Variants in CNNM2 observed in about 807,000 individuals in gnomAD.
CNNM2 encodes metal transporter CNNM2.
Under a neutral mutation model 66.9 loss-of-function variants are expected in CNNM2, and 12 were observed. The observed-to-expected ratio is 0.18, with a 90% CI of 0.11 to 0.29. The LOEUF (loss-of-function observed/expected upper bound fraction) is 0.29, where lower values mean the gene tolerates loss of function less well. CNNM2 is among the 10% of genes least tolerant of loss of function. The pLI, the probability that CNNM2 is intolerant of heterozygous loss-of-function variation, is 1.00. For synonymous variants in CNNM2, 557 were observed against 501.8 expected (o/e 1.11, Z -1.47); for missense variants, 705 against 1,167.7 (o/e 0.60, Z 5.77).
rs1464126727 is a variant in CNNM2 at position 102,948,109 on chromosome 10, G to A, written c.1621+28008G>A. Reference sequence around the variant, plus strand: ...CCACACAGGTAAAAACATTCATCTTGTAATTTTCTATTATCAGGTTTCAAA... The same window carrying A: ...CCACACAGGTAAAAACATTCATCTTATAATTTTCTATTATCAGGTTTCAAA... On this transcript the variant is annotated intron_variant, in intron 1 of 7. Transcript: ENST00000369878. 3.3e-5 allele frequency among the ~76,000 whole-genome samples: 5 copies of A among 152,198 alleles called. No homozygotes were observed. The East Asian group carries it at 9.7e-4, about 29-fold the overall frequency.
Position 103,054,597 on chromosome 10 carries a change from G to A in CNNM2, c.1903+131G>A. ...ATAAGTAATGCCACTTTTGTGTTTT[G>A]TTTTTTTTGTTTTTTTGTTTTGTTT... On this transcript the variant is annotated intron_variant, in intron 3 of 7. Transcript: ENST00000369878. The surrounding 1 kb of genome is among the most constrained non-coding windows in gnomAD (Gnocchi z 5.2). 1.3e-6 allele frequency: 1 copy of A among 746,606 alleles called. No homozygotes were observed. Among genetic ancestry groups the A allele is most frequent in the South Asian group, 3.0e-5 (1 of 33,380 alleles). The allele number at this position is 746,606 out of a possible 1,614,324, so 46.2% of individuals were successfully genotyped here. A position where few individuals can be genotyped will look rare whatever the true frequency, so the allele number is the denominator to read the frequency against.
chr10:103,005,756 T>C (rs2064213905), intron 1 of CNNM2, among the ~76,000 whole-genome samples: 1 of 152,102 alleles, frequency 6.6e-6, no homozygotes. Flanking sequence ...TGAGACAGGG[T>C]CTCATTTGTT....
At chr10:103,071,620 G>T (rs1173934468) in intron 5 of CNNM2, among the ~76,000 whole-genome samples, 154 bp from the exon 6 acceptor site, 1 of 152,154 alleles carries the variant, frequency 6.6e-6, no homozygotes, top group Non-Finnish European at 1.5e-5. Flanking sequence ...AGTGTGTGTT[G>T]TTTTGTTTCT....
chr10:102,985,329 C>T (rs1301768490), intron 1 of CNNM2, among the ~76,000 whole-genome samples: 1 of 152,010 alleles, frequency 6.6e-6, no homozygotes, highest in South Asian at 2.1e-4. Flanking sequence ...TCTGATATAG[C>T]CAAAATTCTT....
intron 1 of CNNM2, among the ~76,000 whole-genome samples, chr10:102,995,373 C>T (rs2063978197): frequency 6.7e-6 from 1 of 150,284 alleles, no homozygotes; most frequent in Non-Finnish European, 1.5e-5. Context: ...CCACTATGCC[C>T]AGCTAATTTT....
At chr10:103,045,149 T>C (rs2065106335) in intron 1 of CNNM2, among the ~76,000 whole-genome samples, 2 of 152,184 alleles carry the variant, frequency 1.3e-5, no homozygotes, top group Non-Finnish European at 2.9e-5. Context: ...ACTGCTTATG[T>C]TGGGTCCTTG....
chr10:102,964,809 C>G (rs1289959496), intron 1 of CNNM2, among the ~76,000 whole-genome samples: 1 of 152,062 alleles, frequency 6.6e-6, no homozygotes, highest in Non-Finnish European at 1.5e-5. Flanking sequence ...TGAGTGGATC[C>G]CCTCCAAAAT....
chr10:102,921,095 G>A (rs939262985), intron 1 of CNNM2: 2 of 959,298 alleles, frequency 2.1e-6, no homozygotes, highest in Non-Finnish European at 2.5e-6. Context: ...ATATTTGTTC[G>A]TTTGACCATA....
At chr10:103,015,287 A>G (rs926334717) in intron 1 of CNNM2, among the ~76,000 whole-genome samples, 1 of 152,156 alleles carries the variant, frequency 6.6e-6, no homozygotes, top group African/African-American at 2.4e-5. Context: ...AAGCTCTTTC[A>G]TAGTGGTGGG....
chr10:102,918,987 C>G lies in CNNM2; in HGVS notation c.507C>G (p.Thr169=), dbSNP rs977599725. ...ILPHIILNRR[T]SGIIEIEIKP... is the part of the protein sequence containing the mutation. ...CCCACATCATTCTCAACCGCCGCAC[C>G]TCGGGCATCATCGAGATCGAGATCA... is the stretch of plus-strand genomic sequence containing the variant. Residue 169 remains threonine, a synonymous_variant, in exon 1 of 8, where the codon ACC becomes ACG. Coordinates refer to ENST00000369878, the MANE Select transcript of CNNM2 (RefSeq NM_017649.5). This position sits in a 1 kb window ranked among gnomAD's most constrained non-coding sequence, Gnocchi z 4.1. 4 of 1,612,788 alleles carry G rather than the reference C, an allele frequency of 2.5e-6. No homozygotes were observed. Among genetic ancestry groups the G allele is most frequent in the South Asian group, 2.2e-5 (2 of 91,080 alleles).
chr10:102,997,996 T>C lies in CNNM2; in HGVS notation c.1622-51711T>C, dbSNP rs35791366. 0.11 allele frequency among the ~76,000 whole-genome samples: 16,465 copies of C among 152,208 alleles called. 1,167 individuals are homozygous for C. The highest frequency in any genetic ancestry group is 0.15 in the Non-Finnish European group (10,384 of 67,988). On this transcript the variant is annotated intron_variant, in intron 1 of 7. Transcript: ENST00000369878. Reference sequence around the variant, plus strand: ...TGCACTGAACTAGATACACACCATATTTATGGCTTTATGTCAGTGTTCAAG... The same window carrying C: ...TGCACTGAACTAGATACACACCATACTTATGGCTTTATGTCAGTGTTCAAG...
At chr10:102,981,244 A>G (rs566323586) in intron 1 of CNNM2, among the ~76,000 whole-genome samples, 1 of 152,004 alleles carries the variant, frequency 6.6e-6, no homozygotes, top group East Asian at 1.9e-4. Context: ...CAGCTACTTG[A>G]GAGGCTGAGA....
rs1004500457 is a variant in CNNM2 at position 103,047,002 on chromosome 10, A to G, written c.1622-2705A>G. On this transcript the variant is annotated intron_variant, in intron 1 of 7. Coordinates refer to ENST00000369878, the MANE Select transcript of CNNM2 (RefSeq NM_017649.5). ...AATCTTCTTTACAGAAGAATACTGAATAATATATGCAGGTACTCCCCCTTC... is the reference window on the plus strand; with the variant it reads ...AATCTTCTTTACAGAAGAATACTGAGTAATATATGCAGGTACTCCCCCTTC... Among the ~76,000 whole-genome samples the G allele has an allele frequency of 2.6e-5, 4 of 152,326 alleles. No individual in the cohort carries two copies. The East Asian group carries it at 5.8e-4, about 22-fold the overall frequency.
intron 1 of CNNM2, among the ~76,000 whole-genome samples, chr10:102,968,872 G>T (rs7907792): frequency 6.7e-6 from 1 of 149,856 alleles, no homozygotes. Flanking sequence ...AAGTGCTGGG[G>T]TTACAGGCAT....
intron 2 of CNNM2, among the ~76,000 whole-genome samples, chr10:103,053,295 G>T (rs1014692558): frequency 1.3e-5 from 2 of 152,104 alleles, no homozygotes; most frequent in Non-Finnish European, 2.9e-5. Context: ...CAGGAGGATT[G>T]CTTGAGCCCA....
chr10:102,982,013 T>A (rs2063728334), intron 1 of CNNM2, among the ~76,000 whole-genome samples: 1 of 152,144 alleles, frequency 6.6e-6, no homozygotes, highest in East Asian at 1.9e-4. Flanking sequence ...GTGCTTTTCT[T>A]ACATTTGAAG....
intron 1 of CNNM2, among the ~76,000 whole-genome samples, chr10:102,936,797 C>T (rs1034547874): frequency 2.0e-5 from 3 of 151,994 alleles, no homozygotes; most frequent in Non-Finnish European, 4.4e-5. Flanking sequence ...CTGTGTTGCT[C>T]CAAGTTTTTC....
In CNNM2 at chr10:103,034,972, C is replaced by CAAAAAAAAA. The variant is rs71019651; in HGVS notation, c.1622-14725_1622-14717dup. Among the ~76,000 whole-genome samples, 56 of 71,106 alleles carry CAAAAAAAAA rather than the reference C, an allele frequency of 7.9e-4. 2 individuals are homozygous for CAAAAAAAAA. The highest frequency in any genetic ancestry group is 1.1e-3 in the Non-Finnish European group (40 of 37,568). The allele number at this position is 71,106 out of a possible 152,430, so 46.6% of individuals were successfully genotyped here. ...TGGGCGACAGAGCGAGACTCCGTCTCAAAAAAAAAAAAAAAAAATCTCCTA... is the reference window on the plus strand; with the variant it reads ...TGGGCGACAGAGCGAGACTCCGTCTCAAAAAAAAAAAAAAAAAAAAAAAAAAATCTCCTA... On this transcript the variant is annotated intron_variant, in intron 1 of 7. Transcript: ENST00000369878.
chr10:102,929,541 G>A (rs1472098763), intron 1 of CNNM2, among the ~76,000 whole-genome samples: 1 of 151,320 alleles, frequency 6.6e-6, no homozygotes, highest in Non-Finnish European at 1.5e-5. Context: ...CCTAGCAGTT[G>A]ACAAGGTGAC....
Sources: allele counts gnomAD v4.1 joint callset (sites outside exome capture counted in the v4.1 genomes callset), GRCh38; gene constraint gnomAD v4.1.1; non-coding constraint Gnocchi (gnomAD v3.1); transcripts MANE v1.5; gene names NCBI Gene and HGNC (gene_info 2026-07-23, HGNC 2026-07-21).